Variants in PRRT1B observed in about 807,000 individuals in gnomAD.
The protein encoded by PRRT1B is proline rich transmembrane protein 1B, also known as dispanin subfamily D member 2.
At chr9:131,555,027 G>A (rs897992178) in exon 2 of PRRT1B, 2 of 391,942 alleles carry the variant, frequency 5.1e-6, no homozygotes, top group Non-Finnish European at 9.0e-6. Context: ...CCCCTTCCCC[G>A]TGGTGAGTGG....
At chr9:131,553,112 T>A (rs1402486897) in intron 1 of PRRT1B, among the ~76,000 whole-genome samples, 1 of 152,172 alleles carries the variant, frequency 6.6e-6, no homozygotes, top group Non-Finnish European at 1.5e-5. Flanking sequence ...GACATGCTTT[T>A]AAAAAATGGT....
chr9:131,552,839 A>AT (rs61662684), intron 1 of PRRT1B, among the ~76,000 whole-genome samples: 15,570 of 133,658 alleles, frequency 0.12, 1,284 homozygotes, highest in African/African-American at 0.21. Context: ...CACCTGGTTA[A>AT]TTTTTTTTTT....
chr9:131,549,561 C>CA (rs1950997149), intron 1 of PRRT1B, among the ~76,000 whole-genome samples: 2 of 152,220 alleles, frequency 1.3e-5, no homozygotes, highest in South Asian at 4.1e-4. Context: ...GCTGAAGACT[C>CA]ACGCTGCCCG....
chr9:131,548,195 T>G (rs1021041340), intron 1 of PRRT1B, among the ~76,000 whole-genome samples: 1 of 152,010 alleles, frequency 6.6e-6, no homozygotes, highest in East Asian at 1.9e-4. Context: ...TCCACTTTCC[T>G]GGGGGGACAA....
At position 131,551,797 on chromosome 9, in the gene PRRT1B, G is replaced by A. The variant is rs113667202; in HGVS notation, c.26-2760G>A. 0.11 allele frequency among the ~76,000 whole-genome samples: 15,411 copies of A among 135,970 alleles called. 1,095 individuals carry two copies. Among genetic ancestry groups the A allele is most frequent in the African/African-American group, 0.21 (7,368 of 35,694 alleles). The allele number at this position is 135,970 out of a possible 152,430, so 89.2% of individuals were successfully genotyped here. ...TTGACTGTAATTTTCCTTTACCTAC[G>A]CAAATCCTATAAGACGGCCCACCCC... On this transcript the variant is annotated intron_variant, in intron 1 of 3. Transcript: ENST00000636672. This position sits in a 1 kb window ranked among gnomAD's most constrained non-coding sequence, Gnocchi z 4.4.
At chr9:131,546,286 A>T (rs1950973909) in intron 1 of PRRT1B, among the ~76,000 whole-genome samples, 1 of 152,068 alleles carries the variant, frequency 6.6e-6, no homozygotes, top group South Asian at 2.1e-4. Flanking sequence ...GGAGAGCTGG[A>T]GACAGGGACC....
intron 1 of PRRT1B, among the ~76,000 whole-genome samples, chr9:131,547,944 C>T (rs958082667): frequency 4.6e-5 from 7 of 152,132 alleles, no homozygotes; most frequent in Admixed American, 1.3e-4. Context: ...ACTCTGGCAC[C>T]GGTCACGGAC....
chr9:131,548,703 T>C (rs547160660), intron 1 of PRRT1B, among the ~76,000 whole-genome samples: 1 of 152,252 alleles, frequency 6.6e-6, no homozygotes, highest in African/African-American at 2.4e-5. Flanking sequence ...TACAGACCCA[T>C]CTGACCTCTC....
chr9:131,545,759 A>G (rs1950969982), intron 1 of PRRT1B, 119 bp downstream of exon 1: 10 of 326,378 alleles, frequency 3.1e-5, no homozygotes, highest in East Asian at 8.5e-5. Context: ...CTGGCGGGGC[A>G]GGTGCTGGCG....
intron 1 of PRRT1B, among the ~76,000 whole-genome samples, chr9:131,552,738 T>C (rs1951020003): frequency 6.6e-6 from 1 of 151,564 alleles, no homozygotes; most frequent in African/African-American, 2.4e-5. Context: ...AGCGGTGTGA[T>C]CTCGGCTCAC....
intron 1 of PRRT1B, among the ~76,000 whole-genome samples, chr9:131,546,650 C>T (rs891007476): frequency 2.6e-5 from 4 of 151,958 alleles, no homozygotes; most frequent in African/African-American, 7.2e-5. Flanking sequence ...GACTCCCCCC[C>T]AGACCCTCAA....
At chr9:131,552,312 C>A (rs1300724000) in intron 1 of PRRT1B, among the ~76,000 whole-genome samples, 1 of 152,214 alleles carries the variant, frequency 6.6e-6, no homozygotes, top group Non-Finnish European at 1.5e-5. Flanking sequence ...ACCTTGACCT[C>A]ATGGAGCATG....
chr9:131,559,783 TA>T (rs143281656), downstream of PRRT1B, among the ~76,000 whole-genome samples: 16,640 of 152,252 alleles, frequency 0.11, 1,126 homozygotes, highest in South Asian at 0.18. Flanking sequence ...TCAAAACTAC[TA>T]AAAGGCATTA....
chr9:131,546,617 C>G (rs1030002743), intron 1 of PRRT1B, among the ~76,000 whole-genome samples: 1 of 151,912 alleles, frequency 6.6e-6, no homozygotes, highest in Non-Finnish European at 1.5e-5. Context: ...GCGCTGGCCC[C>G]TCCCCGCCGC....
intron 1 of PRRT1B, among the ~76,000 whole-genome samples, chr9:131,554,102 A>G (rs184079600): frequency 2.6e-5 from 4 of 151,848 alleles, no homozygotes; most frequent in Admixed American, 6.6e-5. Context: ...TGGGCACCTC[A>G]CCCCTCCCCT....
intron 1 of PRRT1B, among the ~76,000 whole-genome samples, chr9:131,550,802 A>C (rs1473076473): frequency 6.6e-6 from 1 of 152,188 alleles, no homozygotes; most frequent in African/African-American, 2.4e-5. Context: ...CTTTTCTGGC[A>C]GGGCTATGCT....
At chr9:131,553,451 A>C (rs191010181) in intron 1 of PRRT1B, among the ~76,000 whole-genome samples, 220 of 152,340 alleles carry the variant, frequency 1.4e-3, no homozygotes, top group African/African-American at 5.1e-3. Context: ...GGAGGTATAA[A>C]CAGCGTGGCA....
At chr9:131,558,122 G>C in exon 4 of PRRT1B, 1 of 401,084 alleles carries the variant, frequency 2.5e-6, no homozygotes, top group Non-Finnish European at 4.4e-6. Context: ...CCGCTCGCTG[G>C]TGCTCTTCAG....
chr9:131,545,682 GC>G, intron 1 of PRRT1B, 42 bp downstream of exon 1: 1 of 317,978 alleles, frequency 3.1e-6, no homozygotes, highest in Admixed American at 6.6e-5. Flanking sequence ...TACTGGCGGG[GC>G]AGGTACTGGC....
Sources: gnomAD v4.1 joint callset for allele counts (sites outside exome capture counted in the v4.1 genomes callset) on GRCh38, gnomAD v4.1.1 for gene constraint, Gnocchi (gnomAD v3.1) non-coding constraint, MANE v1.5 for transcripts, NCBI Gene and HGNC (gene_info 2026-07-23, HGNC 2026-07-21) for gene names.